KPNA5: variants seen among roughly 807,000 people sequenced by gnomAD.
KPNA5 encodes importin subunit alpha-6.
Under a neutral mutation model 71.3 loss-of-function variants are expected in KPNA5, and 46 were observed. The ratio of observed to expected loss-of-function variants is 0.65; its 90% confidence interval spans 0.51 to 0.83. KPNA5 has a LOEUF of 0.83. Among genes scored for constraint, KPNA5 ranks in the 40% least tolerant of loss-of-function variants. The pLI is 0.00. For synonymous variants in KPNA5, 207 were observed against 201.4 expected (o/e 1.03, Z -0.24); for missense variants, 547 against 628.3 (o/e 0.87, Z 1.38).
intron 7 of KPNA5, among the ~76,000 whole-genome samples, chr6:116,709,567 A>G (rs1000323134): frequency 6.6e-6 from 1 of 152,166 alleles, no homozygotes; most frequent in African/African-American, 2.4e-5. Flanking sequence ...TTGCTTTCCA[A>G]GTTGGCTGTG....
At chr6:116,721,354 T>C (rs1281829436) in intron 8 of KPNA5, among the ~76,000 whole-genome samples, 2 of 152,164 alleles carry the variant, frequency 1.3e-5, no homozygotes, top group African/African-American at 2.4e-5. Context: ...GGTTTCTCCA[T>C]GTTGGTCAGG....
intron 13 of KPNA5, among the ~76,000 whole-genome samples, chr6:116,731,617 C>A (rs550498213): frequency 1.3e-5 from 2 of 152,100 alleles, no homozygotes; most frequent in South Asian, 4.2e-4. Flanking sequence ...GATTGTAATT[C>A]TTTTAAACCG....
intron 1 of KPNA5, among the ~76,000 whole-genome samples, chr6:116,688,228 G>C (rs561135083): frequency 3.1e-4 from 47 of 152,168 alleles, no homozygotes; most frequent in African/African-American, 1.1e-3. Flanking sequence ...ATGTATTTTA[G>C]TGTACTCCTT....
rs768459657 is a variant in KPNA5 at position 116,698,690 on chromosome 6, T to G, written c.341-14T>G. The G allele has an allele frequency of 4.0e-6, 6 of 1,490,240 alleles. No homozygotes were observed. The South Asian group carries it at 7.1e-5, about 18-fold the overall frequency. The allele number at this position is 1,490,240 out of a possible 1,614,324, so 92.3% of individuals were successfully genotyped here. A position where few individuals can be genotyped will look rare whatever the true frequency, so the allele number is the denominator to read the frequency against. ...TGTGTCTTTGTAATAACTGAAGTCT[T>G]TTTAAATTTTTAGAACCTAATCCAC... On this transcript the variant is annotated splice_polypyrimidine_tract_variant and intron_variant, in intron 4 of 13. Coordinates refer to ENST00000368564, the MANE Select transcript of KPNA5 (RefSeq NM_001366306.2).
At chr6:116,692,645 C>T (rs1383124339) in intron 4 of KPNA5, among the ~76,000 whole-genome samples, 3 of 151,756 alleles carry the variant, frequency 2.0e-5, no homozygotes, top group African/African-American at 7.3e-5. Flanking sequence ...AATCCTGCTG[C>T]CAAGAAATAA....
chr6:116,732,893 A>G lies in KPNA5; in HGVS notation c.*570A>G, dbSNP rs147624667. On this transcript the variant is annotated 3_prime_UTR_variant, in exon 14 of 14. Coordinates refer to ENST00000368564, the MANE Select transcript of KPNA5 (RefSeq NM_001366306.2). Reference sequence around the variant, plus strand: ...GTTATACTTTGCAAAAAATTGCAACAGAAAACCTATAAAATTTATTTATAA... The same window carrying G: ...GTTATACTTTGCAAAAAATTGCAACGGAAAACCTATAAAATTTATTTATAA... 28 of 152,098 alleles carry G rather than the reference A, an allele frequency of 1.8e-4. No individual in the cohort carries two copies. Among genetic ancestry groups the G allele is most frequent in the African/African-American group, 6.0e-4 (25 of 41,576 alleles). The allele number at this position is 152,098 out of a possible 1,614,324, so 9.4% of individuals were successfully genotyped here.
intron 12 of KPNA5, among the ~76,000 whole-genome samples, chr6:116,727,017 A>ATG (rs1421248624): frequency 6.6e-6 from 1 of 152,076 alleles, no homozygotes; most frequent in Non-Finnish European, 1.5e-5. Context: ...TTATATGGTG[A>ATG]TGTTCTGGTC....
chr6:116,696,644 T>G (rs1778040618), intron 4 of KPNA5, among the ~76,000 whole-genome samples: 1 of 152,130 alleles, frequency 6.6e-6, no homozygotes, highest in South Asian at 2.1e-4. Context: ...TTGTAGAAAG[T>G]TCTCCAAAGC....
At chr6:116,698,927 A>G (rs1430157239) in intron 5 of KPNA5, 129 bp downstream of exon 5, 2 of 491,180 alleles carry the variant, frequency 4.1e-6, no homozygotes, top group Non-Finnish European at 7.2e-6. Flanking sequence ...AGGAAAAGGT[A>G]GTGCTGCCTA....
intron 4 of KPNA5, among the ~76,000 whole-genome samples, chr6:116,694,456 C>T (rs1012773823): frequency 2.0e-5 from 3 of 151,920 alleles, no homozygotes; most frequent in African/African-American, 7.3e-5. Context: ...CCTTCACATC[C>T]CTTGTAAGTT....
chr6:116,685,249 A>G (rs1374606090), intron 1 of KPNA5, among the ~76,000 whole-genome samples: 1 of 152,208 alleles, frequency 6.6e-6, no homozygotes, highest in African/African-American at 2.4e-5. Flanking sequence ...ACCGTGCTAA[A>G]TGAAAGAAGC....
In KPNA5 at chr6:116,735,364, C is replaced by T. The variant is rs935091680; in HGVS notation, c.*3041C>T. 2.6e-5 allele frequency: 4 copies of T among 151,630 alleles called. No individual in the cohort carries two copies. The highest frequency in any genetic ancestry group is 7.3e-5 in the African/African-American group (3 of 41,374). 9.4% of individuals were successfully genotyped at this position (151,630 alleles called of 1,614,324 possible). Reference sequence around the variant, plus strand: ...CTTAGTGAATTTTTGTTATGGTTCTCAATTCAGCAATCTACTGGCTGCTTG... The same window carrying T: ...CTTAGTGAATTTTTGTTATGGTTCTTAATTCAGCAATCTACTGGCTGCTTG... On this transcript the variant is annotated 3_prime_UTR_variant, in exon 14 of 14. Coordinates refer to ENST00000368564, the MANE Select transcript of KPNA5 (RefSeq NM_001366306.2).
At chr6:116,718,040 A>G (rs1054749927) in intron 8 of KPNA5, among the ~76,000 whole-genome samples, 2 of 152,158 alleles carry the variant, frequency 1.3e-5, no homozygotes, top group Non-Finnish European at 2.9e-5. Flanking sequence ...CCGGCTGCCA[A>G]TTTATCACTT....
Position 116,736,715 on chromosome 6 carries a change from CCTGAAATA to C in KPNA5, c.*4395_*4402del, listed in dbSNP as rs1208157082. 6.6e-6 allele frequency: 1 copy of C among 151,898 alleles called. No individual in the cohort carries two copies. The highest frequency in any genetic ancestry group is 6.6e-5 in the Admixed American group (1 of 15,186). The allele number at this position is 151,898 out of a possible 1,614,324, so 9.4% of individuals were successfully genotyped here. A position where few individuals can be genotyped will look rare whatever the true frequency, so the allele number is the denominator to read the frequency against. On this transcript the variant is annotated 3_prime_UTR_variant, in exon 14 of 14. Coordinates refer to ENST00000368564, the MANE Select transcript of KPNA5 (RefSeq NM_001366306.2). ...TTCCAATTCCGCTTATATTAGTCTGCCTGAAATACTCACACAGCTTATTAATGCTTTGC... is the reference window on the plus strand; with the variant it reads ...TTCCAATTCCGCTTATATTAGTCTGCCTCACACAGCTTATTAATGCTTTGC...
At chr6:116,721,576 A>G (rs973728434) in intron 8 of KPNA5, among the ~76,000 whole-genome samples, 9 of 152,214 alleles carry the variant, frequency 5.9e-5, no homozygotes, top group Non-Finnish European at 1.5e-5. Flanking sequence ...CCAACATTTG[A>G]GTGCCTACTC....
intron 13 of KPNA5, among the ~76,000 whole-genome samples, chr6:116,730,401 T>C (rs1321070680): frequency 6.6e-6 from 1 of 152,080 alleles, no homozygotes; most frequent in East Asian, 1.9e-4. Flanking sequence ...TGCTACATAT[T>C]GAGTCAAGTT....
chr6:116,708,075 T>C (rs1041006179), intron 7 of KPNA5, among the ~76,000 whole-genome samples: 24 of 152,246 alleles, frequency 1.6e-4, no homozygotes. Context: ...TTATAGTGAA[T>C]GTATCAGGAT....
intron 4 of KPNA5, among the ~76,000 whole-genome samples, chr6:116,692,902 C>T (rs567174166): frequency 2.6e-5 from 4 of 152,248 alleles, no homozygotes; most frequent in Non-Finnish European, 5.9e-5. Flanking sequence ...CACCCCACAA[C>T]AGGCCCCGGT....
rs550135869 is a variant in KPNA5 at position 116,735,356 on chromosome 6, A to T, written c.*3033A>T. 1 of 151,854 alleles carries T rather than the reference A, an allele frequency of 6.6e-6. No homozygotes were observed. The highest frequency in any genetic ancestry group is 2.4e-5 in the African/African-American group (1 of 41,550). The allele number at this position is 151,854 out of a possible 1,614,324, so 9.4% of individuals were successfully genotyped here. A position where few individuals can be genotyped will look rare whatever the true frequency, so the allele number is the denominator to read the frequency against. ...TATAAAGTCTTAGTGAATTTTTGTT[A>T]TGGTTCTCAATTCAGCAATCTACTG... is the stretch of plus-strand genomic sequence containing the variant. On this transcript the variant is annotated 3_prime_UTR_variant, in exon 14 of 14. Coordinates refer to ENST00000368564, the MANE Select transcript of KPNA5 (RefSeq NM_001366306.2).
Sources: gnomAD v4.1 joint callset for allele counts (sites outside exome capture counted in the v4.1 genomes callset) on GRCh38, gnomAD v4.1.1 for gene constraint, MANE v1.5 for transcripts, NCBI Gene and HGNC (gene_info 2026-07-23, HGNC 2026-07-21) for gene names.